FNDC3A: variants seen among roughly 807,000 people sequenced by gnomAD.
The protein encoded by FNDC3A is fibronectin type-III domain-containing protein 3A.
A neutral mutation model predicts 148.9 loss-of-function variants in FNDC3A; 32 were observed. That is an observed-to-expected ratio of 0.21 (90% CI 0.16 to 0.29). The LOEUF (loss-of-function observed/expected upper bound fraction) is 0.29. Among genes scored for constraint, FNDC3A ranks in the 10% least tolerant of loss-of-function variants. FNDC3A has a pLI of 1.00. For missense variants in FNDC3A, 1,191 were observed against 1,452.8 expected (o/e 0.82, Z 2.93); for synonymous variants, 472 against 473.6 (o/e 1.00, Z 0.04).
In FNDC3A at chr13:49,163,515, C is replaced by T. The variant is rs1020154335; in HGVS notation, c.978-3729C>T. ...AGCACAGTATTAGGGTGGGAGTGTC[C>T]TGATTTTCCAGGTACCATCTTTCAT... On this transcript the variant is annotated intron_variant, in intron 8 of 25. Coordinates refer to ENST00000492622, the MANE Select transcript of FNDC3A (RefSeq NM_001079673.2). Among the ~76,000 whole-genome samples, 3 of 152,280 alleles carry T rather than the reference C, an allele frequency of 2.0e-5. No individual in the cohort carries two copies. In the East Asian group the frequency reaches 5.8e-4, roughly 29 times the overall value.
At chr13:49,016,801 G>A (rs973548950) in intron 2 of FNDC3A, among the ~76,000 whole-genome samples, 15 of 151,906 alleles carry the variant, frequency 9.9e-5, no homozygotes, top group Non-Finnish European at 2.1e-4. Flanking sequence ...GGTATGTTGC[G>A]TCTTTGTTCT....
At chr13:49,093,697 C>A (rs1293932877) in intron 3 of FNDC3A, among the ~76,000 whole-genome samples, 1 of 152,078 alleles carries the variant, frequency 6.6e-6, no homozygotes, top group Non-Finnish European at 1.5e-5. Flanking sequence ...TACTCATAGT[C>A]CAACAATGAT....
At chr13:49,084,077 C>G (rs1015684112) in intron 3 of FNDC3A, among the ~76,000 whole-genome samples, 1 of 152,132 alleles carries the variant, frequency 6.6e-6, no homozygotes, top group Non-Finnish European at 1.5e-5. Context: ...AATAGTATAT[C>G]AACTAGTTAA....
At chr13:49,048,130 T>C (rs1039513790) in intron 2 of FNDC3A, among the ~76,000 whole-genome samples, 1 of 152,208 alleles carries the variant, frequency 6.6e-6, no homozygotes, top group African/African-American at 2.4e-5. Flanking sequence ...CTGGGTTTTC[T>C]ATTCTACTCC....
intron 6 of FNDC3A, among the ~76,000 whole-genome samples, chr13:49,138,481 T>G (rs1882507707): frequency 6.6e-6 from 1 of 152,128 alleles, no homozygotes; most frequent in Non-Finnish European, 1.5e-5. Context: ...AAAAATTTGG[T>G]TCAGATAGAT....
chr13:49,129,201 G>A (rs1324384176), intron 4 of FNDC3A, among the ~76,000 whole-genome samples: 3 of 152,214 alleles, frequency 2.0e-5, no homozygotes, highest in Non-Finnish European at 4.4e-5. Context: ...TGGAAGGATA[G>A]ACAAGATTAT....
intron 25 of FNDC3A, among the ~76,000 whole-genome samples, chr13:49,204,323 C>A (rs527416321): frequency 1.2e-4 from 18 of 152,276 alleles, no homozygotes; most frequent in East Asian, 1.2e-3. Flanking sequence ...ACCTGATTTT[C>A]CCTTTTTCCT....
chr13:49,152,513 G>GATT (rs1883368870), intron 8 of FNDC3A, among the ~76,000 whole-genome samples: 1 of 151,436 alleles, frequency 6.6e-6, no homozygotes, highest in African/African-American at 2.4e-5. Flanking sequence ...AAATTGTTTG[G>GATT]TTTTTTTTTA....
At chr13:49,079,870 A>G (rs541602195) in intron 3 of FNDC3A, among the ~76,000 whole-genome samples, 1 of 152,274 alleles carries the variant, frequency 6.6e-6, no homozygotes, top group South Asian at 2.1e-4. Context: ...GCTGGAGTGT[A>G]GTAGCACAGT....
intron 2 of FNDC3A, among the ~76,000 whole-genome samples, chr13:49,056,790 A>C (rs575380300): frequency 6.6e-6 from 1 of 152,122 alleles, no homozygotes; most frequent in African/African-American, 2.4e-5. Flanking sequence ...CTGTTTTCAT[A>C]GTTTATTATC....
intron 15 of FNDC3A, 70 bp downstream of exon 15, chr13:49,186,172 ATT>A: frequency 1.5e-6 from 2 of 1,293,410 alleles, no homozygotes; most frequent in Non-Finnish European, 2.2e-6. Context: ...TATGAAGATA[ATT>A]TTTAAGATAT....
intron 2 of FNDC3A, among the ~76,000 whole-genome samples, chr13:49,018,186 C>T (rs1231705885): frequency 6.6e-6 from 1 of 152,036 alleles, no homozygotes; most frequent in African/African-American, 2.4e-5. Flanking sequence ...GGATAATATC[C>T]TGCAGAGTGT....
rs1261164738 is a variant in FNDC3A at position 49,073,508 on chromosome 13, C to T, written c.100-1781C>T. Among the ~76,000 whole-genome samples, 16 of 151,856 alleles carry T rather than the reference C, an allele frequency of 1.1e-4. No individual in the cohort carries two copies. The East Asian group carries it at 2.9e-3, about 27-fold the overall frequency. On this transcript the variant is annotated intron_variant, in intron 2 of 25. Coordinates refer to ENST00000492622, the MANE Select transcript of FNDC3A (RefSeq NM_001079673.2). ...AAGTGGAGAATTCCACACCCAACCT[C>T]ATCTGACAGGTCATATGACAGGTTA...
At chr13:49,108,327 G>C (rs111536690) in intron 3 of FNDC3A, among the ~76,000 whole-genome samples, 10 of 152,174 alleles carry the variant, frequency 6.6e-5, no homozygotes, top group Admixed American at 2.6e-4. Flanking sequence ...AGGGTTGTAT[G>C]CACATATGCC....
intron 14 of FNDC3A, among the ~76,000 whole-genome samples, chr13:49,183,402 C>T (rs1885402849): frequency 6.6e-6 from 1 of 152,208 alleles, no homozygotes; most frequent in South Asian, 2.1e-4. Flanking sequence ...GTACAATCTG[C>T]TCACACAGGG....
intron 2 of FNDC3A, among the ~76,000 whole-genome samples, chr13:49,009,843 A>G (rs527394359): frequency 2.6e-5 from 4 of 152,348 alleles, no homozygotes; most frequent in East Asian, 3.9e-4. Flanking sequence ...TTAAAGTTTC[A>G]GTTAAGACCT....
In FNDC3A at chr13:49,175,503, G is replaced by C; in HGVS notation, c.1492G>C (p.Gly498Arg). The C allele has an allele frequency of 6.2e-7, 1 of 1,610,382 alleles. No individual in the cohort carries two copies. The highest frequency in any genetic ancestry group is 8.5e-7 in the Non-Finnish European group (1 of 1,178,532). The change falls in exon 13 of 26, where the codon GGA (glycine) becomes CGA (arginine). Residue 498 changes from glycine to arginine, a missense_variant. Physicochemically the swap from Gly to Arg is moderately radical, Grantham distance 125. Around this residue, in one of 3 missense-constraint regions of FNDC3A, gnomAD observed 751 missense variants for 944.0 expected, o/e 0.80. Transcript: ENST00000492622. Reference sequence around the variant, plus strand: ...GCCCTCAGGAACACCATCAGATGAAGGAATTTCTTACATTTTAGAGATGGA... The same window carrying C: ...GCCCTCAGGAACACCATCAGATGAACGAATTTCTTACATTTTAGAGATGGA... ...SKPSGTPSDE[G>R]ISYILEMEEE...
chr13:49,130,580 A>T (rs1881967437), intron 4 of FNDC3A, among the ~76,000 whole-genome samples: 1 of 151,930 alleles, frequency 6.6e-6, no homozygotes, highest in South Asian at 2.1e-4. Flanking sequence ...CTAGTATCAT[A>T]ACTTATTAGG....
intron 5 of FNDC3A, among the ~76,000 whole-genome samples, chr13:49,132,733 C>CG (rs1418230267): frequency 6.6e-6 from 1 of 152,206 alleles, no homozygotes; most frequent in Non-Finnish European, 1.5e-5. Flanking sequence ...TTTCTTGCCT[C>CG]GGTCCCTGTG....
Sources: gnomAD v4.1 joint callset for allele counts (sites outside exome capture counted in the v4.1 genomes callset) on GRCh38, gnomAD v4.1.1 for gene constraint, gnomAD v4.1.1 regional missense constraint, MANE v1.5 for transcripts, NCBI Gene and HGNC (gene_info 2026-07-23, HGNC 2026-07-21) for gene names.